The following CDH12 variants were observed in gnomAD, a reference collection of about 807,000 sequenced individuals.
CDH12 encodes the protein cadherin-12.
CDH12 carries 41 observed loss-of-function variants against 74.1 expected under a neutral mutation model. The ratio of observed to expected loss-of-function variants is 0.55; its 90% CI spans 0.43 to 0.72. The LOEUF is 0.72. Ranked by LOEUF, CDH12 falls within the 30% of genes least tolerant of loss-of-function variation. CDH12 has a pLI of 0.00. For synonymous variants in CDH12, 399 were observed against 355.0 expected, an observed-to-expected ratio of 1.12 and a Z score of -1.39; for missense variants, 945 against 977.2, an observed-to-expected ratio of 0.97 and a Z score of 0.44.
chr5:22,066,463 C>T (rs748346142), intron 5 of CDH12, among the ~76,000 whole-genome samples: 1 of 152,236 alleles, frequency 6.6e-6, no homozygotes. Context: ...TGTCACTGGG[C>T]CTGCCAGTTA....
chr5:22,725,295 A>G (rs1485295271), intron 1 of CDH12, among the ~76,000 whole-genome samples: 1 of 151,938 alleles, frequency 6.6e-6, no homozygotes, highest in Non-Finnish European at 1.5e-5. Flanking sequence ...AATTTATGAT[A>G]GTAGCTATTG....
At chr5:21,833,694 C>A (rs2149975460) in intron 8 of CDH12, among the ~76,000 whole-genome samples, 1 of 125,586 alleles carries the variant, frequency 8.0e-6, no homozygotes, top group East Asian at 2.3e-4. Context: ...CCACAGTAAA[C>A]CAGTGATCTT....
intron 1 of CDH12, among the ~76,000 whole-genome samples, chr5:22,574,730 T>C (rs181225929): frequency 1.2e-3 from 188 of 152,272 alleles, no homozygotes; most frequent in Admixed American, 3.5e-3. Context: ...TTAACTCAAA[T>C]GCTATCAGGT....
chr5:22,101,341 A>ATGTT (rs1180173061), intron 4 of CDH12, among the ~76,000 whole-genome samples: 1 of 152,150 alleles, frequency 6.6e-6, no homozygotes, highest in East Asian at 1.9e-4. Context: ...TATGTATTGT[A>ATGTT]TATTTATATG....
intron 6 of CDH12, among the ~76,000 whole-genome samples, chr5:21,912,566 C>G (rs1753904340): frequency 6.6e-6 from 1 of 152,042 alleles, no homozygotes; most frequent in Non-Finnish European, 1.5e-5. Flanking sequence ...GAGACAGTAG[C>G]CACTCCAGAT....
chr5:22,327,486 A>C (rs963369333), intron 3 of CDH12, among the ~76,000 whole-genome samples: 6 of 149,674 alleles, frequency 4.0e-5, no homozygotes. Context: ...GTGTGCACTA[A>C]ACTGAAAGTG....
chr5:22,248,384 A>G (rs1332324029), intron 3 of CDH12, among the ~76,000 whole-genome samples: 1 of 152,144 alleles, frequency 6.6e-6, no homozygotes, highest in African/African-American at 2.4e-5. Context: ...ATTTTACACT[A>G]TAAGTATCAA....
Position 22,154,681 on chromosome 5 carries a change from A to T in CDH12, c.-187+57817T>A, listed in dbSNP as rs183798667. Among the ~76,000 whole-genome samples the T allele has an allele frequency of 4.6e-3, 698 of 151,952 alleles. 7 individuals are homozygous for T. The highest frequency in any genetic ancestry group is 0.016 in the African/African-American group (671 of 41,452). On this transcript the variant is annotated intron_variant, in intron 4 of 14. Coordinates refer to ENST00000382254, the MANE Select transcript of CDH12 (RefSeq NM_004061.5). ...ATATAATAATAATAATATCAAAAAT[A>T]AAATAAAAATTGCTTAGAAATTTCA...
intron 11 of CDH12, among the ~76,000 whole-genome samples, chr5:21,782,751 T>G (rs1485669318): frequency 6.6e-6 from 1 of 152,086 alleles, no homozygotes; most frequent in African/African-American, 2.4e-5. Flanking sequence ...GCCAAACAAA[T>G]AAAACCTATA....
At chr5:22,550,777 C>CA (rs1381236467) in intron 1 of CDH12, among the ~76,000 whole-genome samples, 3 of 152,132 alleles carry the variant, frequency 2.0e-5, no homozygotes, top group Non-Finnish European at 4.4e-5. Flanking sequence ...CTTTCCTTTG[C>CA]AATTAAAATG....
Position 21,876,985 on chromosome 5 carries a change from T to C in CDH12, c.527-22195A>G, listed in dbSNP as rs550866528. ...GGGAGGCCTAGGAGGGTGGATCATG[T>C]GGAGACCAGGAATTGGAGAACAGCC... On this transcript the variant is annotated intron_variant, in intron 6 of 14. Transcript: ENST00000382254. Among the ~76,000 whole-genome samples the C allele has an allele frequency of 4.1e-4, 62 of 152,320 alleles. No homozygotes were observed. In the South Asian group the frequency reaches 6.8e-3, roughly 17 times the overall value.
rs563396009 is a variant in CDH12 at position 21,755,784 on chromosome 5, C to T, written c.1692G>A (p.Leu564=). 9.9e-6 allele frequency: 16 copies of T among 1,614,006 alleles called. No individual in the cohort carries two copies. The East Asian group carries it at 3.1e-4, about 31-fold the overall frequency. Reference sequence around the variant, plus strand: ...CTTCTATTACAACAGGGAGGAAATACAACTCTTGCTGCCTGCGGCTGTATC... The same window carrying T: ...CTTCTATTACAACAGGGAGGAAATATAACTCTTGCTGCCTGCGGCTGTATC... The part of the protein sequence containing the change: ...RNGYSRRQQE[L]YFLPVVIEDS... Residue 564 remains leucine (L), a synonymous_variant, in exon 14 of 15, where the codon TTG becomes TTA. Coordinates refer to ENST00000382254, the MANE Select transcript of CDH12 (RefSeq NM_004061.5).
chr5:21,979,143 T>A (rs1343382924), intron 5 of CDH12, among the ~76,000 whole-genome samples: 9 of 152,206 alleles, frequency 5.9e-5, no homozygotes, highest in Non-Finnish European at 1.2e-4. Flanking sequence ...TTTCTTTCCT[T>A]TGTAGCCATT....
rs901502187 is a variant in CDH12, at chr5:22,031,312, C to T, written c.231+47134G>A. ...TCCTGCCACTGAACTCCAGCCTGGGCAACAGAGACTCCATCTAATAAAATA... is the reference window on the plus strand; with the variant it reads ...TCCTGCCACTGAACTCCAGCCTGGGTAACAGAGACTCCATCTAATAAAATA... On this transcript the variant is annotated intron_variant, in intron 5 of 14. Coordinates refer to ENST00000382254, the MANE Select transcript of CDH12 (RefSeq NM_004061.5). Among the ~76,000 whole-genome samples the T allele has an allele frequency of 3.9e-5, 5 of 126,638 alleles. No individual in the cohort carries two copies. In the East Asian group the frequency reaches 6.1e-4, roughly 15 times the overall value. 83.1% of individuals were successfully genotyped at this position (126,638 alleles called of 152,430 possible).
At chr5:22,343,331 G>C (rs879584642) in intron 3 of CDH12, among the ~76,000 whole-genome samples, 9,985 of 118,950 alleles carry the variant, frequency 0.084, 457 homozygotes, top group African/African-American at 0.17. Flanking sequence ...CACAGAGAGA[G>C]AGAGAGAGAG....
chr5:22,019,466 G>A (rs1284925936), intron 5 of CDH12, among the ~76,000 whole-genome samples: 1 of 152,108 alleles, frequency 6.6e-6, no homozygotes, highest in African/African-American at 2.4e-5. Context: ...TACAAGGTGG[G>A]GCTCTGAGAA....
At chr5:22,114,170 T>A (rs190462115) in intron 4 of CDH12, among the ~76,000 whole-genome samples, 5 of 152,338 alleles carry the variant, frequency 3.3e-5, no homozygotes, top group African/African-American at 1.2e-4. Context: ...GTCTCAGCTA[T>A]TCTACTTCCT....
At chr5:22,152,497 T>TA (rs1747661690) in intron 4 of CDH12, 1 of 152,128 alleles carries the variant, frequency 6.6e-6, no homozygotes, top group African/African-American at 2.4e-5. Flanking sequence ...GTTCAATTGT[T>TA]AAAAATTGGC....
intron 3 of CDH12, among the ~76,000 whole-genome samples, chr5:22,386,639 G>A (rs947668865): frequency 6.6e-6 from 1 of 151,462 alleles, no homozygotes; most frequent in Non-Finnish European, 1.5e-5. Flanking sequence ...TTTATTATCA[G>A]GGAAAAAAAT....
Sources: gnomAD v4.1 joint callset for allele counts (sites outside exome capture counted in the v4.1 genomes callset) on GRCh38, gnomAD v4.1.1 for gene constraint, MANE v1.5 for transcripts, NCBI Gene and HGNC (gene_info 2026-07-23, HGNC 2026-07-21) for gene names.